Variants in PDE4B observed in about 807,000 individuals in gnomAD.
The protein encoded by PDE4B is phosphodiesterase 4B.
Under a neutral mutation model 82.2 loss-of-function variants are expected in PDE4B, and 20 were observed. The ratio of observed to expected loss-of-function variants is 0.24; its 90% CI spans 0.17 to 0.35. The LOEUF is 0.35. PDE4B is among the 10% of genes least tolerant of loss of function. The pLI, the probability that PDE4B is intolerant of heterozygous loss-of-function variation, is 1.00. For synonymous variants in PDE4B, 320 were observed against 318.9 expected, an observed-to-expected ratio of 1.00 and a Z score of -0.04; for missense variants, 655 against 907.2, an observed-to-expected ratio of 0.72 and a Z score of 3.57.
At chr1:66,339,137 T>A (rs1660767615) in intron 8 of PDE4B, among the ~76,000 whole-genome samples, 1 of 152,106 alleles carries the variant, frequency 6.6e-6, no homozygotes, top group African/African-American at 2.4e-5. Context: ...AACATGACCA[T>A]AAAACAGAGA....
At chr1:65,835,830 A>T (rs1376504951) in intron 1 of PDE4B, among the ~76,000 whole-genome samples, 1 of 152,166 alleles carries the variant, frequency 6.6e-6, no homozygotes, top group Non-Finnish European at 1.5e-5. Flanking sequence ...TGGATTTCTG[A>T]GTTGTCTTGA....
chr1:66,217,467 G>T (rs1178007167), intron 3 of PDE4B, among the ~76,000 whole-genome samples: 1 of 152,074 alleles, frequency 6.6e-6, no homozygotes, highest in East Asian at 1.9e-4. Context: ...GAAGAGAGGT[G>T]CACTGCCATC....
intron 7 of PDE4B, among the ~76,000 whole-genome samples, chr1:66,295,970 C>A (rs568893148): frequency 6.6e-6 from 1 of 152,242 alleles, no homozygotes; most frequent in East Asian, 1.9e-4. Flanking sequence ...ACTTCCTTCA[C>A]GTGTCGCCCT....
chr1:66,012,207 AT>A (rs779148055), intron 3 of PDE4B, among the ~76,000 whole-genome samples: 4 of 151,994 alleles, frequency 2.6e-5, no homozygotes, highest in Non-Finnish European at 5.9e-5. Context: ...TGTCCTAAAT[AT>A]TTTCTGGTTT....
At chr1:66,363,712 G>A (rs952779949) in intron 12 of PDE4B, 141 bp downstream of exon 12, 1 of 602,840 alleles carries the variant, frequency 1.7e-6, no homozygotes, top group African/African-American at 1.9e-5. Flanking sequence ...AGGGGTTCAA[G>A]GTTACAGTGA....
chr1:65,967,694 A>G (rs145735718), intron 3 of PDE4B, among the ~76,000 whole-genome samples: 2,752 of 152,266 alleles, frequency 0.018, 76 homozygotes, highest in Non-Finnish European at 0.019. Context: ...CAGCCATAAA[A>G]AAGGATGAGT....
intron 3 of PDE4B, among the ~76,000 whole-genome samples, chr1:66,012,505 A>G (rs1269501978): frequency 6.6e-6 from 1 of 152,116 alleles, no homozygotes. Flanking sequence ...CTCTCTGAAA[A>G]TAATCATAGT....
chr1:65,980,656 C>A (rs1247792261), intron 3 of PDE4B, among the ~76,000 whole-genome samples: 1 of 151,984 alleles, frequency 6.6e-6, no homozygotes, highest in African/African-American at 2.4e-5. Context: ...CAAGCAGTGC[C>A]CATTTATTTT....
chr1:66,011,114 T>C (rs959392385), intron 3 of PDE4B, among the ~76,000 whole-genome samples: 1 of 151,840 alleles, frequency 6.6e-6, no homozygotes, highest in Non-Finnish European at 1.5e-5. Flanking sequence ...TTTTTATTGC[T>C]GAACACTATT....
intron 1 of PDE4B, among the ~76,000 whole-genome samples, chr1:65,834,815 A>G (rs769084499): frequency 1.2e-4 from 18 of 152,192 alleles, no homozygotes; most frequent in Non-Finnish European, 2.1e-4. Flanking sequence ...ACCAAAATCA[A>G]TAGAGAAGCC....
chr1:65,827,489 C>T lies in PDE4B; in HGVS notation c.-71+34241C>T, dbSNP rs536133100. On this transcript the variant is annotated intron_variant, in intron 1 of 16. Coordinates refer to ENST00000341517, the MANE Select transcript of PDE4B (RefSeq NM_002600.4). ...TGCTATTAAAAAAACCCCACAGTAA[C>T]AAAAATAAAGAATACCTTCAACTGA... Among the ~76,000 whole-genome samples the T allele has an allele frequency of 1.9e-3, 287 of 151,956 alleles. 1 individual carries two copies. The highest frequency in any genetic ancestry group is 6.3e-3 in the African/African-American group (262 of 41,478).
chr1:65,960,811 A>C (rs2100596291), intron 3 of PDE4B, among the ~76,000 whole-genome samples: 1 of 152,220 alleles, frequency 6.6e-6, no homozygotes, highest in South Asian at 2.1e-4. Flanking sequence ...AACAGAAAAA[A>C]GCTTGTGAAC....
At chr1:66,236,428 A>G (rs1239217634) in intron 3 of PDE4B, among the ~76,000 whole-genome samples, 2 of 152,154 alleles carry the variant, frequency 1.3e-5, no homozygotes, top group Non-Finnish European at 2.9e-5. Flanking sequence ...TTTTAATAAG[A>G]AGAAAAAAAA....
intron 3 of PDE4B, among the ~76,000 whole-genome samples, chr1:66,235,564 T>C (rs1018603791): frequency 1.6e-4 from 24 of 152,350 alleles, no homozygotes; most frequent in African/African-American, 5.3e-4. Context: ...TTCATTCTTT[T>C]CCTTTTAACC....
In PDE4B at chr1:66,259,938, C is replaced by T. The variant is rs75736859; in HGVS notation, c.584+2075C>T. ...CACTTGGGCAAGCTAATTACTCTCT[C>T]TATATCTCAGTTTTCTAATGTGTAA... On this transcript the variant is annotated intron_variant, in intron 6 of 16. Coordinates refer to ENST00000341517, the MANE Select transcript of PDE4B (RefSeq NM_002600.4). 2.6e-5 allele frequency among the ~76,000 whole-genome samples: 4 copies of T among 152,248 alleles called. No individual in the cohort carries two copies. In the East Asian group the frequency reaches 7.7e-4, roughly 29 times the overall value.
At position 66,351,093 on chromosome 1, in the gene PDE4B, A is replaced by C. The variant is rs1048607867; in HGVS notation, c.748-4434A>C. Among the ~76,000 whole-genome samples, 10 of 152,216 alleles carry C rather than the reference A, an allele frequency of 6.6e-5. No individual in the cohort carries two copies. In the East Asian group the frequency reaches 1.9e-3, roughly 29 times the overall value. On this transcript the variant is annotated intron_variant, in intron 8 of 16. Coordinates refer to ENST00000341517, the MANE Select transcript of PDE4B (RefSeq NM_002600.4). The stretch of plus-strand genomic sequence containing the variant: ...AAATAGAAGCAATTTCTAGCAGTGT[A>C]TGTGAATCTAATGTTGGGCATAAGC...
intron 3 of PDE4B, among the ~76,000 whole-genome samples, chr1:65,987,415 A>G (rs1231516808): frequency 6.6e-6 from 1 of 152,198 alleles, no homozygotes; most frequent in African/African-American, 2.4e-5. Context: ...GTATATGTGA[A>G]GATGAACTTC....
At chr1:65,843,379 C>A (rs10789204) in intron 1 of PDE4B, among the ~76,000 whole-genome samples, 80,271 of 151,942 alleles carry the variant, frequency 0.53, 21,435 homozygotes, top group Non-Finnish European at 0.57. Context: ...ACCTATATGG[C>A]AAACTTTGCC....
chr1:65,808,124 G>A (rs1191020079), intron 1 of PDE4B, among the ~76,000 whole-genome samples: 1 of 151,594 alleles, frequency 6.6e-6, no homozygotes, highest in Non-Finnish European at 1.5e-5. Flanking sequence ...TTGAGTCAGT[G>A]AGGATTAAAG....
Sources: allele counts gnomAD v4.1 joint callset (sites outside exome capture counted in the v4.1 genomes callset), GRCh38; gene constraint gnomAD v4.1.1; transcripts MANE v1.5; gene names NCBI Gene and HGNC (gene_info 2026-07-23, HGNC 2026-07-21).